NEK10: variants seen among roughly 807,000 people sequenced by gnomAD.
The protein encoded by NEK10 is serine/threonine-protein kinase Nek10.
A neutral mutation model predicts 159.8 loss-of-function variants in NEK10; 122 were observed. The ratio of observed to expected loss-of-function variants is 0.76; its 90% CI spans 0.66 to 0.89. The LOEUF is 0.89. NEK10 is among the 40% of genes least tolerant of loss of function. NEK10 has a pLI of 0.00. For missense variants in NEK10, 1,342 were observed against 1,323.1 expected (o/e 1.01, Z -0.22); for synonymous variants, 466 against 457.1 (o/e 1.02, Z -0.25).
intron 23 of NEK10, among the ~76,000 whole-genome samples, chr3:27,222,297 T>A (rs978606438): frequency 6.6e-5 from 10 of 152,264 alleles, no homozygotes; most frequent in Middle Eastern, 3.4e-3. Flanking sequence ...TACTTGAACC[T>A]GAGAGGCAGA....
chr3:27,308,866 CT>C, intron 10 of NEK10, 59 bp downstream of exon 10: 2 of 726,780 alleles, frequency 2.8e-6, no homozygotes, highest in Non-Finnish European at 4.6e-6. Context: ...ATTTTGCATC[CT>C]TACCACCTAA....
At chr3:27,235,145 C>G (rs939641257) in intron 23 of NEK10, among the ~76,000 whole-genome samples, 1 of 151,980 alleles carries the variant, frequency 6.6e-6, no homozygotes, top group Non-Finnish European at 1.5e-5. Flanking sequence ...AATCTAAAAC[C>G]CAAAACTATA....
chr3:27,181,668 T>C (rs1263502303), intron 26 of NEK10, among the ~76,000 whole-genome samples: 1 of 152,198 alleles, frequency 6.6e-6, no homozygotes, highest in Non-Finnish European at 1.5e-5. Context: ...TCACTTTCTA[T>C]TACCTTGCCT....
chr3:27,347,502 CAAAAAAAAAAAAAA>C (rs35966643), intron 3 of NEK10, among the ~76,000 whole-genome samples: 2 of 63,440 alleles, frequency 3.2e-5, no homozygotes, highest in East Asian at 1.1e-3. Context: ...AACTCCGTCT[CAAAAAAAAAAAAAA>C]AAAAAAAAAA....
At chr3:27,219,196 A>G (rs1350769126) in intron 23 of NEK10, among the ~76,000 whole-genome samples, 1 of 152,250 alleles carries the variant, frequency 6.6e-6, no homozygotes, top group African/African-American at 2.4e-5. Flanking sequence ...AATGAAGCCA[A>G]TGAGGAAGAC....
At chr3:27,208,288 T>C (rs1950698411) in intron 23 of NEK10, among the ~76,000 whole-genome samples, 1 of 152,136 alleles carries the variant, frequency 6.6e-6, no homozygotes, top group African/African-American at 2.4e-5. Context: ...GAGATAAGCA[T>C]AGCTTAGCAG....
intron 28 of NEK10, 74 bp from the exon 29 acceptor site, chr3:27,171,947 C>A: frequency 8.4e-6 from 12 of 1,426,428 alleles, no homozygotes; most frequent in Admixed American, 2.0e-5. Flanking sequence ...TTTAATAAAA[C>A]AATACTGAAC....
chr3:27,338,112 G>C (rs560974326), intron 5 of NEK10, among the ~76,000 whole-genome samples: 3 of 152,060 alleles, frequency 2.0e-5, no homozygotes, highest in African/African-American at 7.2e-5. Context: ...AACAGGCTCC[G>C]GTATGTGATC....
At chr3:27,285,270 G>T (rs906661929) in intron 20 of NEK10, among the ~76,000 whole-genome samples, 1 of 152,078 alleles carries the variant, frequency 6.6e-6, no homozygotes, top group Non-Finnish European at 1.5e-5. Flanking sequence ...GTGCCACAGA[G>T]AACAAGTAAA....
chr3:27,295,221 G>T (rs1173272109), intron 15 of NEK10, among the ~76,000 whole-genome samples: 1 of 152,094 alleles, frequency 6.6e-6, no homozygotes, highest in Non-Finnish European at 1.5e-5. Context: ...TGCAGCAGAT[G>T]CCATTGGTGC....
intron 25 of NEK10, among the ~76,000 whole-genome samples, chr3:27,199,483 A>C (rs888227472): frequency 2.6e-5 from 4 of 152,214 alleles, no homozygotes; most frequent in African/African-American, 9.6e-5. Context: ...TTCAGCGAAA[A>C]AGGAACACTT....
intron 35 of NEK10, among the ~76,000 whole-genome samples, chr3:27,113,435 C>CAAAAAAAA (rs3034425): frequency 7.4e-5 from 6 of 81,508 alleles, no homozygotes; most frequent in Non-Finnish European, 1.2e-4. Flanking sequence ...GATTCCATCT[C>CAAAAAAAA]AAAAAAAAAA....
At chr3:27,261,033 T>A (rs1412607988) in intron 22 of NEK10, among the ~76,000 whole-genome samples, 1 of 152,182 alleles carries the variant, frequency 6.6e-6, no homozygotes, top group Non-Finnish European at 1.5e-5. Context: ...TATTCTCTGA[T>A]GGTAGTTTGT....
chr3:27,116,602 A>AG (rs1182339420), intron 33 of NEK10, among the ~76,000 whole-genome samples: 1 of 152,180 alleles, frequency 6.6e-6, no homozygotes, highest in Non-Finnish European at 1.5e-5. Flanking sequence ...AGCTGCCTAG[A>AG]GGGAAAAAAT....
intron 25 of NEK10, among the ~76,000 whole-genome samples, chr3:27,193,048 A>T (rs1949249034): frequency 6.6e-6 from 1 of 152,222 alleles, no homozygotes. Flanking sequence ...TATAGTACCT[A>T]CCTCATTAAA....
intron 32 of NEK10, among the ~76,000 whole-genome samples, chr3:27,123,733 G>A (rs895495079): frequency 6.6e-6 from 1 of 152,112 alleles, no homozygotes; most frequent in Non-Finnish European, 1.5e-5. Context: ...ATTTGACTTA[G>A]TCAGCAAAGG....
chr3:27,252,032 A>G (rs77730160), intron 23 of NEK10, among the ~76,000 whole-genome samples: 1 of 152,208 alleles, frequency 6.6e-6, no homozygotes, highest in Non-Finnish European at 1.5e-5. Flanking sequence ...TATCATATTA[A>G]TATTAAAAAA....
At chr3:27,172,106 A>AG (rs1335308690) in intron 28 of NEK10, among the ~76,000 whole-genome samples, 1 of 151,976 alleles carries the variant, frequency 6.6e-6, no homozygotes, top group African/African-American at 2.4e-5. Flanking sequence ...TGTGAGGCCG[A>AG]GGTAGATGAA....
chr3:27,277,505 A>T lies in NEK10; in HGVS notation c.2014+7097T>A, dbSNP rs141254060. On this transcript the variant is annotated intron_variant, in intron 22 of 35. Transcript: ENST00000691995. ...CTAGTCTGAAAAATCTCTGAGGATA[A>T]GTCTTTGACCAAGCTCCCCACCCAC... 4.6e-4 allele frequency among the ~76,000 whole-genome samples: 70 copies of T among 152,256 alleles called. 1 individual carries two copies. Among genetic ancestry groups the T allele is most frequent in the African/African-American group, 1.7e-3 (69 of 41,546 alleles).
Sources: allele counts gnomAD v4.1 joint callset (sites outside exome capture counted in the v4.1 genomes callset), GRCh38; gene constraint gnomAD v4.1.1; transcripts MANE v1.5; gene names NCBI Gene and HGNC (gene_info 2026-07-23, HGNC 2026-07-21).